SH3D19: variants seen among roughly 807,000 people sequenced by gnomAD.
The protein encoded by SH3D19 is SH3 domain containing 19.
Under a neutral mutation model 112.1 loss-of-function variants are expected in SH3D19, and 58 were observed. The ratio of observed to expected loss-of-function variants is 0.52; its 90% CI spans 0.42 to 0.64. The LOEUF (loss-of-function observed/expected upper bound fraction) is 0.64. SH3D19 is among the 30% of genes least tolerant of loss of function. The pLI, the probability that SH3D19 is intolerant of heterozygous loss-of-function variation, is 0.00. For synonymous variants in SH3D19, 391 were observed against 448.5 expected (o/e 0.87, Z 1.62); for missense variants, 1,090 against 1,263.4 (o/e 0.86, Z 2.08).
intron 11 of SH3D19, among the ~76,000 whole-genome samples, chr4:151,147,247 T>C (rs1319343025): frequency 1.3e-5 from 2 of 152,156 alleles, no homozygotes; most frequent in South Asian, 2.1e-4. Flanking sequence ...GTCTGGGTGA[T>C]AGAATGACAC....
intron 4 of SH3D19, 51 bp from the exon 5 acceptor site, chr4:151,177,006 G>A (rs1198393718): frequency 8.1e-7 from 1 of 1,227,206 alleles, no homozygotes; most frequent in Non-Finnish European, 1.0e-6. Context: ...ACAAGCTATT[G>A]TCTATCTATA....
chr4:151,241,340 G>A lies in SH3D19; in HGVS notation c.113-15254C>T, dbSNP rs189914477. On this transcript the variant is annotated intron_variant, in intron 1 of 19. Coordinates refer to ENST00000604030, the MANE Select transcript of SH3D19 (RefSeq NM_001378122.1). ...AAGTAAGCAAGCAAGCTAGTCACAA[G>A]AGACCACATGTCACATAATTTCATT... is the stretch of plus-strand genomic sequence containing the variant. Among the ~76,000 whole-genome samples, 104 of 151,932 alleles carry A rather than the reference G, an allele frequency of 6.8e-4. 1 individual carries two copies. The highest frequency in any genetic ancestry group is 2.4e-3 in the African/African-American group (100 of 41,262).
intron 1 of SH3D19, among the ~76,000 whole-genome samples, chr4:151,299,253 C>T (rs1728093158): frequency 6.6e-6 from 1 of 152,170 alleles, no homozygotes; most frequent in Admixed American, 6.5e-5. Context: ...TGTATCAACA[C>T]ATTTTAAATA....
intron 1 of SH3D19, among the ~76,000 whole-genome samples, chr4:151,237,704 G>C (rs1770234698): frequency 6.6e-6 from 1 of 152,170 alleles, no homozygotes; most frequent in Non-Finnish European, 1.5e-5. Flanking sequence ...CTATGAGTAA[G>C]TGCTCAATAA....
intron 19 of SH3D19, among the ~76,000 whole-genome samples, chr4:151,123,022 T>C (rs1390322131): frequency 2.0e-5 from 3 of 152,056 alleles, no homozygotes; most frequent in African/African-American, 7.2e-5. Flanking sequence ...CAGCTATTTT[T>C]TGTATTTTTA....
chr4:151,188,337 G>T lies in SH3D19; in HGVS notation c.153-874C>A, dbSNP rs775427521. Among the ~76,000 whole-genome samples the T allele has an allele frequency of 1.3e-5, 2 of 152,116 alleles. 1 individual carries two copies. The highest frequency in any genetic ancestry group is 2.9e-5 in the Non-Finnish European group (2 of 68,016). On this transcript the variant is annotated intron_variant, in intron 2 of 19. Transcript: ENST00000604030. Reference sequence around the variant, plus strand: ...CTGATTTTTTAAAGAGTGCTTAAAGGCTTTCTGTAAAACAGCTACATGAAA... The same window carrying T: ...CTGATTTTTTAAAGAGTGCTTAAAGTCTTTCTGTAAAACAGCTACATGAAA...
chr4:151,298,496 C>T (rs1775856683), intron 1 of SH3D19, among the ~76,000 whole-genome samples: 1 of 152,084 alleles, frequency 6.6e-6, no homozygotes. Flanking sequence ...TGTTTTAAGC[C>T]ATTAAATTTG....
At chr4:151,196,164 C>G (rs192580814) in intron 2 of SH3D19, among the ~76,000 whole-genome samples, 1 of 152,244 alleles carries the variant, frequency 6.6e-6, no homozygotes, top group East Asian at 1.9e-4. Flanking sequence ...ATATCAAAAA[C>G]GGAACATCAA....
intron 2 of SH3D19, among the ~76,000 whole-genome samples, chr4:151,213,663 TATGA>T (rs1766341208): frequency 1.6e-5 from 1 of 62,972 alleles, no homozygotes; most frequent in African/African-American, 3.8e-5. Context: ...GAATTAATAA[TATGA>T]ATTAATTAAT....
intron 9 of SH3D19, among the ~76,000 whole-genome samples, chr4:151,157,265 A>G (rs1417459587): frequency 1.3e-5 from 2 of 152,020 alleles, no homozygotes; most frequent in East Asian, 3.8e-4. Flanking sequence ...AAAAGAAAAA[A>G]AAAAAACGGC....
chr4:151,213,268 TG>T (rs532752217), intron 2 of SH3D19, among the ~76,000 whole-genome samples: 53 of 152,326 alleles, frequency 3.5e-4, no homozygotes, highest in African/African-American at 1.1e-3. Flanking sequence ...GTAGGTAAAA[TG>T]GTATCAAACA....
At position 151,176,935 on chromosome 4, in the gene SH3D19, A is replaced by G. The variant is rs760145945; in HGVS notation, c.257T>C (p.Val86Ala). Residue 86 changes from valine (V) to alanine (A), a missense_variant, in exon 5 of 20, where the codon GTG becomes GCG. Physicochemically the swap from Val to Ala is moderately conservative, Grantham distance 64. Transcript: ENST00000604030. The stretch of plus-strand genomic sequence containing the variant: ...GGCTGGCCTCAGTGGCTCAGCTGCC[A>G]CAATGGTGATCTCTGGGCGCCTAGT... Reference protein sequence around the residue: ...RDRRRPEITIVAAEPLRPASW... With the variant: ...RDRRRPEITIAAAEPLRPASW... 4.7e-4 allele frequency: 585 copies of G among 1,232,122 alleles called. No homozygotes were observed. The highest frequency in any genetic ancestry group is 5.8e-4 in the Non-Finnish European group (569 of 987,992). 76.3% of individuals were successfully genotyped at this position (1,232,122 alleles called of 1,614,324 possible).
At chr4:151,298,351 T>C (rs1296470418) in intron 1 of SH3D19, among the ~76,000 whole-genome samples, 1 of 152,010 alleles carries the variant, frequency 6.6e-6, no homozygotes, top group Non-Finnish European at 1.5e-5. Context: ...CTAATTTTTG[T>C]ATTTTTAGTA....
intron 8 of SH3D19, among the ~76,000 whole-genome samples, chr4:151,161,074 AAC>A (rs1245405753): frequency 1.3e-5 from 2 of 152,196 alleles, no homozygotes; most frequent in Non-Finnish European, 2.9e-5. Context: ...TGGAAGGAGA[AAC>A]ACAGGGAGTA....
chr4:151,266,127 A>G lies in SH3D19; in HGVS notation c.113-40041T>C, dbSNP rs183440777. ...AAGGTAATCTTGGAGACTTGGGTAT[A>G]ATCTTAAGGCAACGTACTAGGAATG... On this transcript the variant is annotated intron_variant, in intron 1 of 19. Coordinates refer to ENST00000604030, the MANE Select transcript of SH3D19 (RefSeq NM_001378122.1). 7 of 152,328 alleles carry G rather than the reference A, an allele frequency of 4.6e-5. No homozygotes were observed. The East Asian group carries it at 1.3e-3, about 29-fold the overall frequency. The allele number at this position is 152,328 out of a possible 1,614,324, so 9.4% of individuals were successfully genotyped here.
At chr4:151,293,381 G>A in intron 1 of SH3D19, among the ~76,000 whole-genome samples, 1 of 151,640 alleles carries the variant, frequency 6.6e-6, no homozygotes, top group South Asian at 2.1e-4. Flanking sequence ...GCTGAGGCAG[G>A]AGAATGGCGT....
chr4:151,323,006 G>C (rs1183783075), intron 1 of SH3D19, among the ~76,000 whole-genome samples: 3 of 152,208 alleles, frequency 2.0e-5, no homozygotes, highest in African/African-American at 7.2e-5. Context: ...AAGTCTAGGA[G>C]GGATGGGAAT....
At chr4:151,304,477 C>G (rs376161103) in intron 1 of SH3D19, among the ~76,000 whole-genome samples, 2 of 152,296 alleles carry the variant, frequency 1.3e-5, no homozygotes, top group African/African-American at 4.8e-5. Flanking sequence ...CAACCTTATT[C>G]ACAAAGAACT....
chr4:151,202,541 C>T (rs1284031294), intron 2 of SH3D19, among the ~76,000 whole-genome samples: 1 of 152,178 alleles, frequency 6.6e-6, no homozygotes, highest in African/African-American at 2.4e-5. Flanking sequence ...ATACCTCTAA[C>T]CAATATCTAT....
Sources: allele counts gnomAD v4.1 joint callset (sites outside exome capture counted in the v4.1 genomes callset), GRCh38; gene constraint gnomAD v4.1.1; transcripts MANE v1.5; gene names NCBI Gene and HGNC (gene_info 2026-07-23, HGNC 2026-07-21).